The following INPP4B variants were observed in gnomAD, a reference collection of about 807,000 sequenced individuals.
INPP4B encodes the protein inositol polyphosphate 4-phosphatase type II.
INPP4B carries 55 observed loss-of-function variants against 122.5 expected under a neutral mutation model. The ratio of observed to expected loss-of-function variants is 0.45; its 90% confidence interval spans 0.36 to 0.56. The LOEUF (loss-of-function observed/expected upper bound fraction) is 0.56. Ranked by LOEUF, INPP4B falls within the 20% of genes least tolerant of loss-of-function variation. INPP4B has a pLI of 0.00. For missense variants in INPP4B, 1,000 were observed against 1,097.7 expected (o/e 0.91, Z 1.26); for synonymous variants, 403 against 388.7 (o/e 1.04, Z -0.43).
chr4:142,625,723 T>A (rs1010862452), intron 2 of INPP4B, among the ~76,000 whole-genome samples: 1 of 152,038 alleles, frequency 6.6e-6, no homozygotes, highest in Non-Finnish European at 1.5e-5. Flanking sequence ...CACTACCTGA[T>A]TTCAAACTAT....
chr4:142,311,341 G>A (rs1188419592), intron 8 of INPP4B, among the ~76,000 whole-genome samples: 1 of 152,092 alleles, frequency 6.6e-6, no homozygotes, highest in Non-Finnish European at 1.5e-5. Flanking sequence ...TTGAACTTTA[G>A]TTCTGAAATC....
chr4:142,476,542 G>T (rs565191482), intron 2 of INPP4B, among the ~76,000 whole-genome samples: 1 of 152,168 alleles, frequency 6.6e-6, no homozygotes, highest in East Asian at 1.9e-4. Context: ...ACAGAAACAA[G>T]ACCCAACTGT....
intron 2 of INPP4B, among the ~76,000 whole-genome samples, chr4:142,655,717 T>C (rs1407885983): frequency 6.6e-6 from 1 of 152,238 alleles, no homozygotes; most frequent in Non-Finnish European, 1.5e-5. Flanking sequence ...TTATTCCTAA[T>C]AATGTTACTT....
intron 5 of INPP4B, among the ~76,000 whole-genome samples, chr4:142,408,018 G>A (rs970112372): frequency 5.3e-5 from 8 of 152,138 alleles, no homozygotes; most frequent in Admixed American, 6.5e-5. Context: ...TTTAAAAGCT[G>A]TTACCAGGTC....
intron 7 of INPP4B, among the ~76,000 whole-genome samples, chr4:142,369,595 T>A (rs911077361): frequency 8.6e-5 from 12 of 140,330 alleles, no homozygotes; most frequent in South Asian, 4.4e-4. Flanking sequence ...AAAAAATAAA[T>A]AAATAAATAA....
At chr4:142,729,049 G>A (rs752607311) in intron 1 of INPP4B, among the ~76,000 whole-genome samples, 1 of 152,130 alleles carries the variant, frequency 6.6e-6, no homozygotes, top group Non-Finnish European at 1.5e-5. Context: ...GTTTCCAAAT[G>A]AAACCATTCT....
At chr4:142,058,849 G>A (rs371957046) in intron 25 of INPP4B, among the ~76,000 whole-genome samples, 19 of 152,180 alleles carry the variant, frequency 1.2e-4, no homozygotes, top group African/African-American at 4.1e-4. Context: ...CAGTGATAGT[G>A]TTTACAACAA....
intron 2 of INPP4B, among the ~76,000 whole-genome samples, chr4:142,714,431 T>C (rs1763508903): frequency 6.6e-6 from 1 of 152,190 alleles, no homozygotes; most frequent in African/African-American, 2.4e-5. Context: ...AAAATTGAAG[T>C]GTTTGTTTTC....
intron 2 of INPP4B, among the ~76,000 whole-genome samples, chr4:142,638,905 A>C (rs115750277): frequency 6.6e-6 from 1 of 151,494 alleles, no homozygotes; most frequent in Non-Finnish European, 1.5e-5. Context: ...GATGCTGCCT[A>C]TAGGCTTTTT....
At chr4:142,443,028 C>T (rs1002826010) in intron 3 of INPP4B, among the ~76,000 whole-genome samples, 3 of 152,092 alleles carry the variant, frequency 2.0e-5, no homozygotes, top group Admixed American at 6.5e-5. Flanking sequence ...AAACTGACCC[C>T]ATGATTCAAT....
chr4:142,329,879 T>C (rs1184147439), intron 7 of INPP4B, among the ~76,000 whole-genome samples: 3 of 151,872 alleles, frequency 2.0e-5, no homozygotes, highest in Non-Finnish European at 2.9e-5. Flanking sequence ...CTATTTACAC[T>C]TTTTTTTACA....
chr4:142,191,617 G>A (rs928893848), intron 15 of INPP4B, among the ~76,000 whole-genome samples: 5 of 152,122 alleles, frequency 3.3e-5, no homozygotes, highest in Non-Finnish European at 5.9e-5. Flanking sequence ...TTGAAACTTT[G>A]GCTTCCACTC....
At chr4:142,716,052 G>C (rs920771352) in intron 2 of INPP4B, among the ~76,000 whole-genome samples, 13 of 152,140 alleles carry the variant, frequency 8.5e-5, no homozygotes, top group African/African-American at 3.1e-4. Context: ...CAGCTTCTAT[G>C]TCAACTTTAT....
intron 22 of INPP4B, among the ~76,000 whole-genome samples, chr4:142,110,695 T>C (rs1789576931): frequency 6.6e-6 from 1 of 152,240 alleles, no homozygotes; most frequent in South Asian, 2.1e-4. Flanking sequence ...GTCTTGTGTG[T>C]CTTGTACAGC....
At chr4:142,037,625 A>G (rs1163149763) in intron 25 of INPP4B, among the ~76,000 whole-genome samples, 6 of 152,154 alleles carry the variant, frequency 3.9e-5, no homozygotes, top group African/African-American at 1.2e-4. Flanking sequence ...TACATGCTTC[A>G]AGTTTGAAGC....
chr4:142,086,662 C>A (rs775757151), intron 23 of INPP4B, among the ~76,000 whole-genome samples: 19 of 152,292 alleles, frequency 1.2e-4, no homozygotes, highest in Non-Finnish European at 2.4e-4. Flanking sequence ...GCCTCAAACA[C>A]AATTTTATAA....
chr4:142,693,192 C>T (rs1006287899), intron 2 of INPP4B, among the ~76,000 whole-genome samples: 6 of 151,942 alleles, frequency 3.9e-5, no homozygotes, highest in Admixed American at 6.6e-5. Context: ...CCAGAAATTA[C>T]TTTATGAAAA....
rs147116514 is a variant in INPP4B at position 142,588,093 on chromosome 4, C to A, written c.-190-125367G>T. On this transcript the variant is annotated intron_variant, in intron 2 of 25. Coordinates refer to ENST00000262992, the MANE Select transcript of INPP4B (RefSeq NM_001101669.3). ...ATGATTTTATCAAATACAGAAAAAGCATTTTTATAAAATTCAACATGTATT... is the reference window on the plus strand; with the variant it reads ...ATGATTTTATCAAATACAGAAAAAGAATTTTTATAAAATTCAACATGTATT... 2.0e-5 allele frequency among the ~76,000 whole-genome samples: 3 copies of A among 151,886 alleles called. No individual in the cohort carries two copies. In the East Asian group the frequency reaches 5.8e-4, roughly 29 times the overall value.
At chr4:142,032,304 C>T (rs1740750517) in intron 25 of INPP4B, among the ~76,000 whole-genome samples, 1 of 151,962 alleles carries the variant, frequency 6.6e-6, no homozygotes, top group African/African-American at 2.4e-5. Flanking sequence ...AGGGAAGTGA[C>T]CTGAACTAGT....
Sources: allele counts gnomAD v4.1 joint callset (sites outside exome capture counted in the v4.1 genomes callset), GRCh38; gene constraint gnomAD v4.1.1; transcripts MANE v1.5; gene names NCBI Gene and HGNC (gene_info 2026-07-23, HGNC 2026-07-21).